Variants in GPCPD1 observed in about 807,000 individuals in gnomAD.
GPCPD1 encodes glycerophosphocholine phosphodiesterase 1, also known as glycerophosphocholine phosphodiesterase GPCPD1.
Under a neutral mutation model 89.2 loss-of-function variants are expected in GPCPD1, and 29 were observed. The observed-to-expected ratio is 0.33, with a 90% CI of 0.24 to 0.44. GPCPD1 has a LOEUF of 0.44. GPCPD1 is among the 20% of genes least tolerant of loss of function. The probability of loss-of-function intolerance (pLI) is 1.00; values close to 1 mark genes in which losing one functional copy is unlikely to be tolerated. For synonymous variants in GPCPD1, 258 were observed against 266.3 expected, an observed-to-expected ratio of 0.97 and a Z score of 0.30; for missense variants, 594 against 808.9, an observed-to-expected ratio of 0.73 and a Z score of 3.22.
rs1984964292 is a variant in GPCPD1 at position 5,544,951 on chromosome 20, G to A, written c.*2710C>T. 6.6e-6 allele frequency: 1 copy of A among 152,174 alleles called. No individual in the cohort carries two copies. The highest frequency in any genetic ancestry group is 1.5e-5 in the Non-Finnish European group (1 of 68,060). The allele number at this position is 152,174 out of a possible 1,614,324, so 9.4% of individuals were successfully genotyped here. A position where few individuals can be genotyped will look rare whatever the true frequency, so the allele number is the denominator to read the frequency against. ...CGGCAGAGAGGTGGGTGGGTGGCAG[G>A]AAGCGCCACAACACTTTCCACACAG... is the stretch of plus-strand genomic sequence containing the variant. On this transcript the variant is annotated 3_prime_UTR_variant, in exon 20 of 20. Coordinates refer to ENST00000379019, the MANE Select transcript of GPCPD1 (RefSeq NM_019593.5).
intron 19 of GPCPD1, among the ~76,000 whole-genome samples, chr20:5,553,584 G>T (rs1005954217): frequency 1.3e-5 from 2 of 152,326 alleles, no homozygotes; most frequent in Non-Finnish European, 1.5e-5. Flanking sequence ...AGTTATGAAT[G>T]CAAAGTCCTT....
intron 1 of GPCPD1, among the ~76,000 whole-genome samples, chr20:5,610,427 T>G (rs1240586753): frequency 6.6e-6 from 1 of 152,026 alleles, no homozygotes; most frequent in Non-Finnish European, 1.5e-5. Context: ...AGAGCGGCGG[T>G]GAGCCGGGGG....
At chr20:5,574,222 G>A (rs78621422) in intron 10 of GPCPD1, 10,174 of 454,086 alleles carry the variant, frequency 0.022, 263 homozygotes, top group African/African-American at 0.09. Context: ...CTTGTACCAT[G>A]GACTTTTTTC....
At chr20:5,580,267 A>G in intron 6 of GPCPD1, 136 bp from the exon 7 acceptor site, 1 of 526,820 alleles carries the variant, frequency 1.9e-6, no homozygotes, top group Non-Finnish European at 3.4e-6. Flanking sequence ...ACATTTTTTA[A>G]TGAGATCTAA....
intron 3 of GPCPD1, among the ~76,000 whole-genome samples, chr20:5,594,804 T>A (rs982349936): frequency 3.9e-5 from 6 of 152,248 alleles, no homozygotes; most frequent in Non-Finnish European, 1.5e-5. Flanking sequence ...ACTGTGTTTT[T>A]TACAAATTGA....
At chr20:5,563,371 G>T (rs918238389) in intron 15 of GPCPD1, among the ~76,000 whole-genome samples, 1 of 152,116 alleles carries the variant, frequency 6.6e-6, no homozygotes, top group African/African-American at 2.4e-5. Flanking sequence ...TGTCAAACCT[G>T]TATCACAATT....
intron 3 of GPCPD1, 118 bp downstream of exon 3, chr20:5,598,607 C>T (rs1484524416): frequency 2.7e-5 from 17 of 621,986 alleles, no homozygotes; most frequent in African/African-American, 1.3e-4. Flanking sequence ...AACTATGCAA[C>T]GTGATAATGT....
chr20:5,597,667 C>A (rs1486250603), intron 3 of GPCPD1, among the ~76,000 whole-genome samples: 1 of 152,180 alleles, frequency 6.6e-6, no homozygotes, highest in African/African-American at 2.4e-5. Flanking sequence ...CAACTATCCA[C>A]AGTGGGGTAA....
At chr20:5,560,742 G>A (rs899955099) in intron 16 of GPCPD1, among the ~76,000 whole-genome samples, 1 of 152,112 alleles carries the variant, frequency 6.6e-6, no homozygotes, top group African/African-American at 2.4e-5. Flanking sequence ...AGATTATTCT[G>A]ACCAAAACAA....
chr20:5,599,677 C>A (rs1056997316), intron 2 of GPCPD1, among the ~76,000 whole-genome samples: 1 of 151,846 alleles, frequency 6.6e-6, no homozygotes, highest in African/African-American at 2.4e-5. Context: ...GCCTCAGCCT[C>A]CCTAGTAGCT....
chr20:5,554,524 A>G (rs1985637972), intron 19 of GPCPD1, among the ~76,000 whole-genome samples: 1 of 152,208 alleles, frequency 6.6e-6, no homozygotes, highest in Non-Finnish European at 1.5e-5. Context: ...TGCTCCAGAA[A>G]TGCAACAAAG....
At chr20:5,596,347 G>T (rs564377320) in intron 3 of GPCPD1, among the ~76,000 whole-genome samples, 46 of 152,170 alleles carry the variant, frequency 3.0e-4, no homozygotes, top group African/African-American at 1.1e-3. Context: ...AACCGAAATC[G>T]TGTCATCGCA....
In GPCPD1 at chr20:5,559,989, C is replaced by G. The variant is rs768495327; in HGVS notation, c.1483G>C (p.Gly495Arg). Residue 495 changes from glycine (G) to arginine (R), a missense_variant, in exon 17 of 20, where the codon GGG becomes CGG. By Grantham distance (125) the Gly-to-Arg change is moderately radical. Transcript: ENST00000379019. ...IILKTVLENSGKRRIVFSSFD... is the reference protein window; with the variant it reads ...IILKTVLENSRKRRIVFSSFD... ...GAAGAAAACACTATTCTCCTCTTCC[C>G]AGAATTTTCTAAAACAGTTTTTAAA... 4 of 1,570,430 alleles carry G rather than the reference C, an allele frequency of 2.5e-6. No homozygotes were observed. Among genetic ancestry groups the G allele is most frequent in the Non-Finnish European group, 3.5e-6 (4 of 1,150,068 alleles).
Position 5,547,629 on chromosome 20 carries a change from A to G in GPCPD1, c.*32T>C, listed in dbSNP as rs1985098695. Reference sequence around the variant, plus strand: ...AAATGAATACCCAGAACAGCGGTGCACGCCCCCAAAATGACCTCTGTGCAA... The same window carrying G: ...AAATGAATACCCAGAACAGCGGTGCGCGCCCCCAAAATGACCTCTGTGCAA... On this transcript the variant is annotated 3_prime_UTR_variant, in exon 20 of 20. Coordinates refer to ENST00000379019, the MANE Select transcript of GPCPD1 (RefSeq NM_019593.5). 4.0e-6 allele frequency: 5 copies of G among 1,252,068 alleles called. No homozygotes were observed. The highest frequency in any genetic ancestry group is 4.6e-6 in the Non-Finnish European group (4 of 866,054). 77.6% of individuals were successfully genotyped at this position (1,252,068 alleles called of 1,614,324 possible).
intron 10 of GPCPD1, among the ~76,000 whole-genome samples, chr20:5,574,326 A>G (rs1404300468): frequency 6.6e-6 from 1 of 152,196 alleles, no homozygotes; most frequent in Non-Finnish European, 1.5e-5. Flanking sequence ...ACAGCCTCCA[A>G]AGGACTTAAT....
intron 1 of GPCPD1, among the ~76,000 whole-genome samples, chr20:5,609,833 G>C (rs1376234419): frequency 7.5e-6 from 1 of 134,134 alleles, no homozygotes; most frequent in Non-Finnish European, 1.5e-5. Context: ...TTGTATCCAC[G>C]ACATTAGGAA....
At position 5,593,312 on chromosome 20, in the gene GPCPD1, A is replaced by C. The variant is rs1979465034; in HGVS notation, c.231+15T>G. The C allele has an allele frequency of 7.5e-7, 1 of 1,338,208 alleles. No homozygotes were observed. Among genetic ancestry groups the C allele is most frequent in the South Asian group, 1.2e-5 (1 of 84,434 alleles). The allele number at this position is 1,338,208 out of a possible 1,614,324, so 82.9% of individuals were successfully genotyped here. A position where few individuals can be genotyped will look rare whatever the true frequency, so the allele number is the denominator to read the frequency against. ...AAGTGCTAAAGGAATTGGAAACTAG[A>C]TAAAGAAAACATACCTTTGGTTCTA... On this transcript the variant is annotated intron_variant, in intron 4 of 19. Coordinates refer to ENST00000379019, the MANE Select transcript of GPCPD1 (RefSeq NM_019593.5).
intron 4 of GPCPD1, among the ~76,000 whole-genome samples, chr20:5,589,580 A>T (rs1979181460): frequency 6.6e-6 from 1 of 152,180 alleles, no homozygotes; most frequent in Non-Finnish European, 1.5e-5. Context: ...CAGCCTGGGC[A>T]ACAAGAGCGA....
intron 11 of GPCPD1, among the ~76,000 whole-genome samples, chr20:5,571,351 A>AT (rs890494801): frequency 6.6e-6 from 1 of 152,168 alleles, no homozygotes; most frequent in Non-Finnish European, 1.5e-5. Context: ...TAGCTTTCTA[A>AT]TTTTTTTGGT....
Sources: allele counts gnomAD v4.1 joint callset (sites outside exome capture counted in the v4.1 genomes callset), GRCh38; gene constraint gnomAD v4.1.1; transcripts MANE v1.5; gene names NCBI Gene and HGNC (gene_info 2026-07-23, HGNC 2026-07-21).